The following MEIS2 variants were observed in gnomAD, a reference collection of about 807,000 sequenced individuals.
The protein encoded by MEIS2 is Meis homeobox 2.
MEIS2 carries 9 observed loss-of-function variants against 58.6 expected under a neutral mutation model. The observed-to-expected ratio is 0.15, with a 90% CI of 0.09 to 0.27. The LOEUF (loss-of-function observed/expected upper bound fraction) is 0.27. Ranked by LOEUF, MEIS2 falls within the 10% of genes least tolerant of loss-of-function variation. The pLI, the probability that MEIS2 is intolerant of heterozygous loss-of-function variation, is 1.00. For missense variants in MEIS2, 427 were observed against 635.0 expected (o/e 0.67, Z 3.52); for synonymous variants, 221 against 228.4 (o/e 0.97, Z 0.29).
At chr15:37,066,863 A>C (rs905948281) in intron 7 of MEIS2, among the ~76,000 whole-genome samples, 1 of 151,844 alleles carries the variant, frequency 6.6e-6, no homozygotes, top group African/African-American at 2.4e-5. Flanking sequence ...AGCAACCTCA[A>C]ACTCCTGGTT....
chr15:36,939,221 C>G (rs1254157348), intron 9 of MEIS2, among the ~76,000 whole-genome samples: 1 of 152,196 alleles, frequency 6.6e-6, no homozygotes, highest in Non-Finnish European at 1.5e-5. Context: ...ACTTCTCCAG[C>G]CCACTCTCTA....
chr15:36,905,487 T>C (rs936258150), intron 9 of MEIS2, among the ~76,000 whole-genome samples: 4 of 152,126 alleles, frequency 2.6e-5, no homozygotes, highest in African/African-American at 9.7e-5. Flanking sequence ...GTTCACAGAA[T>C]TGTATTCATA....
chr15:36,940,759 A>G (rs1326019642), intron 9 of MEIS2, among the ~76,000 whole-genome samples: 2 of 152,338 alleles, frequency 1.3e-5, no homozygotes, highest in East Asian at 3.9e-4. Context: ...GTCAGAAGCC[A>G]GTAAGCTGAC....
intron 5 of MEIS2, chr15:37,094,032 G>C (rs2140089582): frequency 5.5e-6 from 2 of 361,096 alleles, no homozygotes; most frequent in East Asian, 9.8e-5. Flanking sequence ...AATTAAATCT[G>C]ATTTGATAAT....
chr15:37,098,910 T>C, intron 1 of MEIS2: 1 of 985,350 alleles, frequency 1.0e-6, no homozygotes, highest in Non-Finnish European at 1.2e-6. Flanking sequence ...CCAGAAACAT[T>C]ATTTAGCAGC....
intron 7 of MEIS2, among the ~76,000 whole-genome samples, chr15:37,081,677 A>G (rs968134040): frequency 1.4e-4 from 21 of 152,172 alleles, no homozygotes; most frequent in Non-Finnish European, 2.9e-4. Flanking sequence ...TATAGAAATC[A>G]TACCTTTTTT....
At chr15:36,917,269 T>C (rs1050811815) in intron 9 of MEIS2, among the ~76,000 whole-genome samples, 2 of 152,224 alleles carry the variant, frequency 1.3e-5, no homozygotes, top group East Asian at 3.8e-4. Flanking sequence ...AGAAAAGTTA[T>C]AGACCAGAAC....
intron 9 of MEIS2, among the ~76,000 whole-genome samples, chr15:36,916,528 C>T (rs1237713980): frequency 1.3e-5 from 2 of 151,830 alleles, no homozygotes; most frequent in Non-Finnish European, 2.9e-5. Flanking sequence ...AACTTCTGGG[C>T]TCAAGCAATC....
intron 8 of MEIS2, among the ~76,000 whole-genome samples, chr15:36,953,983 CAA>C (rs2058858564): frequency 6.6e-6 from 1 of 152,092 alleles, no homozygotes; most frequent in Admixed American, 6.6e-5. Flanking sequence ...TGATGATATC[CAA>C]ACTGAAACCA....
intron 7 of MEIS2, among the ~76,000 whole-genome samples, chr15:37,046,462 GA>G (rs1194034995): frequency 3.3e-5 from 5 of 150,098 alleles, no homozygotes; most frequent in Non-Finnish European, 7.4e-5. Context: ...AGTGGTGGGT[GA>G]AAAAAAAAAT....
At chr15:36,925,176 G>T (rs1293420902) in intron 9 of MEIS2, among the ~76,000 whole-genome samples, 1 of 152,102 alleles carries the variant, frequency 6.6e-6, no homozygotes, top group Non-Finnish European at 1.5e-5. Flanking sequence ...AAGAGAAAAA[G>T]AAAAGTAAAA....
chr15:36,964,655 A>G (rs2141441645), intron 8 of MEIS2, among the ~76,000 whole-genome samples: 1 of 152,348 alleles, frequency 6.6e-6, no homozygotes, highest in Non-Finnish European at 1.5e-5. Flanking sequence ...AGAACTTGTC[A>G]TAATAGTCTG....
At position 36,950,365 on chromosome 15, in the gene MEIS2, T is replaced by C. The variant is rs1357694163; in HGVS notation, c.936A>G (p.Leu312=). The change falls in exon 9 of 12, where the codon TTA becomes TTG. Residue 312 remains leucine (L), a synonymous_variant. Coordinates refer to ENST00000561208, the MANE Select transcript of MEIS2 (RefSeq NM_170675.5). ...GAATTGTAAGTCCTGTGTCTTGCGC[T>C]AACTGTTTCTTCTGCTCTTCGGAAG... is the stretch of plus-strand genomic sequence containing the variant. ...PYPSEEQKKQ[L]AQDTGLTILQ... The C allele has an allele frequency of 1.9e-6, 3 of 1,612,984 alleles. No homozygotes were observed. The highest frequency in any genetic ancestry group is 2.5e-6 in the Non-Finnish European group (3 of 1,179,148).
intron 7 of MEIS2, among the ~76,000 whole-genome samples, chr15:37,040,512 G>A (rs1488024556): frequency 6.6e-6 from 1 of 152,128 alleles, no homozygotes; most frequent in Non-Finnish European, 1.5e-5. Flanking sequence ...AACATGCCAG[G>A]AACAGAGCTT....
At chr15:36,977,118 C>T (rs1014214029) in intron 8 of MEIS2, among the ~76,000 whole-genome samples, 18 of 152,032 alleles carry the variant, frequency 1.2e-4, no homozygotes, top group African/African-American at 3.1e-4. Flanking sequence ...AAGAGCAAAA[C>T]TCCATCTCAA....
At chr15:36,963,736 C>G (rs1365821401) in intron 8 of MEIS2, among the ~76,000 whole-genome samples, 1 of 152,090 alleles carries the variant, frequency 6.6e-6, no homozygotes, top group South Asian at 2.1e-4. Flanking sequence ...CTGCCTCATC[C>G]CAGGCGAGAT....
chr15:36,913,484 A>G (rs1359710872), intron 9 of MEIS2, among the ~76,000 whole-genome samples: 1 of 152,220 alleles, frequency 6.6e-6, no homozygotes, highest in Non-Finnish European at 1.5e-5. Context: ...TAGCAATACC[A>G]ATGAAACAAA....
chr15:37,088,134 A>G (rs1393177899), intron 6 of MEIS2, among the ~76,000 whole-genome samples: 2 of 152,154 alleles, frequency 1.3e-5, no homozygotes, highest in African/African-American at 4.8e-5. Flanking sequence ...CCTCATTTCT[A>G]TGGGGCTCAT....
At chr15:36,902,222 T>C (rs758089045) in intron 9 of MEIS2, among the ~76,000 whole-genome samples, 8 of 152,254 alleles carry the variant, frequency 5.3e-5, no homozygotes, top group Non-Finnish European at 1.2e-4. Flanking sequence ...CTCTCATAGA[T>C]AGTAATTAGG....
Sources: gnomAD v4.1 joint callset for allele counts (sites outside exome capture counted in the v4.1 genomes callset) on GRCh38, gnomAD v4.1.1 for gene constraint, MANE v1.5 for transcripts, NCBI Gene and HGNC (gene_info 2026-07-23, HGNC 2026-07-21) for gene names.